Variants in KCNMA1 observed in about 807,000 individuals in gnomAD.
KCNMA1 encodes Calcium-activated potassium channel subunit alpha-1.
KCNMA1 carries 29 observed loss-of-function variants against 140.0 expected under a neutral mutation model. The ratio of observed to expected loss-of-function variants is 0.21; its 90% CI spans 0.15 to 0.28. The LOEUF (loss-of-function observed/expected upper bound fraction) is 0.28, where lower values mean the gene tolerates loss of function less well. KCNMA1 is among the 10% of genes least tolerant of loss of function. The pLI, the probability that KCNMA1 is intolerant of heterozygous loss-of-function variation, is 1.00. For synonymous variants in KCNMA1, 612 were observed against 611.9 expected (o/e 1.00, Z 0.00); for missense variants, 880 against 1,602.2 (o/e 0.55, Z 7.70).
intron 2 of KCNMA1, among the ~76,000 whole-genome samples, chr10:77,295,811 A>AAAAAAAAAAAAAC (rs1565799197): frequency 6.7e-6 from 1 of 148,910 alleles, no homozygotes. Context: ...AAAAAAAAAA[A>AAAAAAAAAAAAAC]AAAAAACAGT....
rs2036619760 is a variant in KCNMA1, at chr10:76,885,783, T to C, written c.*1483A>G. On this transcript the variant is annotated 3_prime_UTR_variant, in exon 28 of 28. Transcript: ENST00000286628. ...GCATGCACAAAGCATCTGACAACTA[T>C]ATGTTGAAAAAAGGGTATTTTTCTA... 1.0e-6 allele frequency: 1 copy of C among 984,998 alleles called. No individual in the cohort carries two copies. Among genetic ancestry groups the C allele is most frequent in the Non-Finnish European group, 1.2e-6 (1 of 829,724 alleles). 61.0% of individuals were successfully genotyped at this position (984,998 alleles called of 1,614,324 possible).
At chr10:77,190,766 T>G (rs976758520) in intron 3 of KCNMA1, among the ~76,000 whole-genome samples, 2 of 152,090 alleles carry the variant, frequency 1.3e-5, no homozygotes, top group South Asian at 2.1e-4. Flanking sequence ...GGACCCCGTG[T>G]GGGGTGGTGG....
chr10:77,567,093 T>C (rs1267381201), intron 1 of KCNMA1, among the ~76,000 whole-genome samples: 1 of 152,112 alleles, frequency 6.6e-6, no homozygotes, highest in Non-Finnish European at 1.5e-5. Flanking sequence ...TACCGTCCTC[T>C]AGAAGAGCTG....
intron 1 of KCNMA1, among the ~76,000 whole-genome samples, chr10:77,591,149 C>A (rs1349064557): frequency 1.3e-5 from 2 of 152,180 alleles, no homozygotes; most frequent in Non-Finnish European, 2.9e-5. Flanking sequence ...CAACTCCATT[C>A]TAAGGCTTAG....
chr10:77,120,149 G>A lies in KCNMA1; in HGVS notation c.884+824C>T, dbSNP rs572628009. Among the ~76,000 whole-genome samples, 143 of 152,316 alleles carry A rather than the reference G, an allele frequency of 9.4e-4. 3 individuals carry two copies. In the South Asian group the frequency reaches 0.029, roughly 31 times the overall value. ...CCAAAGAGGAAATGGAACATTAGAAGTTAGCTTCTTAGAGTGTAATTTCCT... is the reference window on the plus strand; with the variant it reads ...CCAAAGAGGAAATGGAACATTAGAAATTAGCTTCTTAGAGTGTAATTTCCT... On this transcript the variant is annotated intron_variant, in intron 6 of 27. Coordinates refer to ENST00000286628, the MANE Select transcript of KCNMA1 (RefSeq NM_001161352.2).
intron 1 of KCNMA1, among the ~76,000 whole-genome samples, chr10:77,609,545 C>CA (rs1219127803): frequency 6.6e-6 from 1 of 152,140 alleles, no homozygotes; most frequent in Non-Finnish European, 1.5e-5. Flanking sequence ...CAATTAATAA[C>CA]AATGTATTGT....
chr10:77,161,297 G>A (rs189544419), intron 5 of KCNMA1, among the ~76,000 whole-genome samples: 1 of 152,164 alleles, frequency 6.6e-6, no homozygotes. Flanking sequence ...ACCCAGGCTG[G>A]GGTACAGCGG....
intron 2 of KCNMA1, among the ~76,000 whole-genome samples, chr10:77,389,269 G>C (rs914399643): frequency 6.6e-6 from 1 of 152,158 alleles, no homozygotes; most frequent in East Asian, 1.9e-4. Flanking sequence ...CTGCTACCTT[G>C]CTCCAGAAAT....
intron 21 of KCNMA1, 45 bp downstream of exon 21, chr10:76,953,756 T>C: frequency 6.2e-7 from 1 of 1,613,562 alleles, no homozygotes; most frequent in Non-Finnish European, 8.5e-7. Flanking sequence ...CAAATGTGGT[T>C]TGGGGCAGAA....
At chr10:77,359,219 T>G (rs946922391) in intron 2 of KCNMA1, among the ~76,000 whole-genome samples, 1 of 152,096 alleles carries the variant, frequency 6.6e-6, no homozygotes, top group Admixed American at 6.5e-5. Flanking sequence ...GTTACCCTAT[T>G]TTGAATCTCA....
At chr10:77,106,111 A>G (rs954041809) in intron 9 of KCNMA1, among the ~76,000 whole-genome samples, 4 of 152,184 alleles carry the variant, frequency 2.6e-5, no homozygotes, top group African/African-American at 9.7e-5. Context: ...TAAACTACTT[A>G]GTAATTAGCT....
At chr10:77,072,096 A>G (rs1395646063) in intron 14 of KCNMA1, among the ~76,000 whole-genome samples, 2 of 152,190 alleles carry the variant, frequency 1.3e-5, no homozygotes, top group Non-Finnish European at 2.9e-5. Flanking sequence ...AGCCTCCTTT[A>G]TGGACCTCGT....
At chr10:77,025,544 T>C (rs917567106) in intron 16 of KCNMA1, 3 of 1,112,644 alleles carry the variant, frequency 2.7e-6, no homozygotes, top group South Asian at 2.7e-5. Context: ...ATAAAACCTT[T>C]GTTTCAAATC....
intron 5 of KCNMA1, among the ~76,000 whole-genome samples, chr10:77,138,171 C>A (rs1304668318): frequency 1.3e-5 from 2 of 152,152 alleles, no homozygotes; most frequent in African/African-American, 2.4e-5. Context: ...GCTTCCAGGT[C>A]TTCTATTTGA....
intron 15 of KCNMA1, chr10:77,039,119 A>G (rs61868819): frequency 0.064 from 16,577 of 260,036 alleles, 733 homozygotes; most frequent in Non-Finnish European, 0.087. Context: ...TGTTGTCTCT[A>G]TGATCAGACT....
At chr10:76,941,683 GCTGACCAGGGGT>G (rs2062467382) in intron 23 of KCNMA1, among the ~76,000 whole-genome samples, 1 of 152,174 alleles carries the variant, frequency 6.6e-6, no homozygotes, top group Non-Finnish European at 1.5e-5. Flanking sequence ...CCTCTCCACT[GCTGACCAGGGGT>G]CTACGAGAAT....
chr10:77,425,894 A>G (rs1345567208), intron 1 of KCNMA1, among the ~76,000 whole-genome samples: 1 of 152,176 alleles, frequency 6.6e-6, no homozygotes, highest in African/African-American at 2.4e-5. Flanking sequence ...CTGTCCACAC[A>G]GGGCCTTGGT....
rs543730437 is a variant in KCNMA1, at chr10:77,590,444, G to A, written c.378+46821C>T. On this transcript the variant is annotated intron_variant, in intron 1 of 27. Coordinates refer to ENST00000286628, the MANE Select transcript of KCNMA1 (RefSeq NM_001161352.2). ...CCTGCCCTGCGGGAAGGCAGCTAAG[G>A]CCCGGTGAGAAATTGAGCACAGCAG... Among the ~76,000 whole-genome samples, 63 of 152,328 alleles carry A rather than the reference G, an allele frequency of 4.1e-4. 1 individual carries two copies. The South Asian group carries it at 0.012, about 30-fold the overall frequency.
downstream of KCNMA1, chr10:76,876,505 T>A (rs1246551967): frequency 6.6e-6 from 1 of 152,624 alleles, no homozygotes; most frequent in African/African-American, 2.4e-5. Context: ...CAGTTTAAAG[T>A]GGCTAATTTA....
Sources: allele counts gnomAD v4.1 joint callset (sites outside exome capture counted in the v4.1 genomes callset), GRCh38; gene constraint gnomAD v4.1.1; transcripts MANE v1.5; gene names NCBI Gene and HGNC (gene_info 2026-07-23, HGNC 2026-07-21).